AUTS2: variants seen among roughly 807,000 people sequenced by gnomAD.
AUTS2 encodes autism susceptibility gene 2 protein.
Under a neutral mutation model 112.4 loss-of-function variants are expected in AUTS2, and 17 were observed. The ratio of observed to expected loss-of-function variants is 0.15; its 90% CI spans 0.10 to 0.23. AUTS2 has a LOEUF of 0.23. Among genes scored for constraint, AUTS2 ranks in the 10% least tolerant of loss-of-function variants. The probability of loss-of-function intolerance (pLI) is 1.00; values close to 1 mark genes in which losing one functional copy is unlikely to be tolerated. For synonymous variants in AUTS2, 751 were observed against 702.7 expected (o/e 1.07, Z -1.09); for missense variants, 1,510 against 1,701.6 (o/e 0.89, Z 1.98).
intron 5 of AUTS2, among the ~76,000 whole-genome samples, chr7:70,602,041 G>A (rs1328622166): frequency 6.6e-6 from 1 of 152,012 alleles, no homozygotes; most frequent in African/African-American, 2.4e-5. Flanking sequence ...AACCCCCCAG[G>A]GCAGGTGCCT....
At chr7:70,188,710 G>C (rs1809729827) in intron 4 of AUTS2, among the ~76,000 whole-genome samples, 1 of 151,972 alleles carries the variant, frequency 6.6e-6, no homozygotes, top group African/African-American at 2.4e-5. Flanking sequence ...GATGTGTCCT[G>C]CTGTTAAGGA....
intron 4 of AUTS2, among the ~76,000 whole-genome samples, chr7:70,234,882 C>T (rs1284298529): frequency 1.3e-5 from 2 of 152,068 alleles, no homozygotes; most frequent in African/African-American, 2.4e-5. Context: ...AGCTGCTCAC[C>T]GTCCTATGGC....
At chr7:70,103,979 T>G (rs375320728) in intron 2 of AUTS2, among the ~76,000 whole-genome samples, 1 of 151,836 alleles carries the variant, frequency 6.6e-6, no homozygotes, top group Non-Finnish European at 1.5e-5. Flanking sequence ...AACATTATTA[T>G]CACAAAAATG....
At chr7:70,127,291 G>T (rs1806028100) in intron 3 of AUTS2, among the ~76,000 whole-genome samples, 1 of 151,598 alleles carries the variant, frequency 6.6e-6, no homozygotes, top group Non-Finnish European at 1.5e-5. Context: ...GTGCTACCAT[G>T]CTTGGCTAAT....
intron 1 of AUTS2, among the ~76,000 whole-genome samples, chr7:69,758,911 C>G (rs918514522): frequency 3.3e-5 from 5 of 152,184 alleles, no homozygotes; most frequent in African/African-American, 4.8e-5. Context: ...CAACTCACCT[C>G]TTCATGCCTA....
intron 2 of AUTS2, among the ~76,000 whole-genome samples, chr7:70,038,183 A>C (rs573555752): frequency 6.6e-6 from 1 of 152,200 alleles, no homozygotes; most frequent in East Asian, 1.9e-4. Flanking sequence ...AGCAATGTGG[A>C]GCTTACTTGC....
At chr7:70,274,116 G>A (rs1170769062) in intron 4 of AUTS2, among the ~76,000 whole-genome samples, 1 of 152,018 alleles carries the variant, frequency 6.6e-6, no homozygotes, top group African/African-American at 2.4e-5. Flanking sequence ...AGGGTGCTTC[G>A]TGAGTCCCAA....
chr7:70,351,039 A>C, intron 4 of AUTS2, among the ~76,000 whole-genome samples: 2 of 142,490 alleles, frequency 1.4e-5, no homozygotes, highest in South Asian at 4.5e-4. Context: ...AAATGACAGG[A>C]TTTTGTCTTC....
At chr7:69,705,984 CCTT>C (rs1386956177) in intron 1 of AUTS2, among the ~76,000 whole-genome samples, 1 of 152,070 alleles carries the variant, frequency 6.6e-6, no homozygotes, top group Non-Finnish European at 1.5e-5. Context: ...TCTTTAAAGA[CCTT>C]CTCTCCAAAT....
intron 4 of AUTS2, among the ~76,000 whole-genome samples, chr7:70,174,775 C>T (rs753933581): frequency 2.3e-4 from 35 of 152,070 alleles, no homozygotes; most frequent in Non-Finnish European, 4.9e-4. Context: ...ATTTTAAGCC[C>T]GCTATTGAGA....
chr7:69,754,076 T>C (rs554490266), intron 1 of AUTS2, among the ~76,000 whole-genome samples: 3 of 152,136 alleles, frequency 2.0e-5, no homozygotes, highest in Non-Finnish European at 4.4e-5. Context: ...GCCTACTGTG[T>C]GGTTTTGTGC....
In AUTS2 at chr7:69,630,466, C is replaced by T. The variant is rs1432039803; in HGVS notation, c.309+30504C>T. The stretch of plus-strand genomic sequence containing the variant: ...TAACCATCTTGCTGTAAACTAGCCA[C>T]GAGTAAACGTCTGGTTGTGAATCAC... On this transcript the variant is annotated intron_variant, in intron 1 of 18. Transcript: ENST00000342771. Among the ~76,000 whole-genome samples, 7 of 152,110 alleles carry T rather than the reference C, an allele frequency of 4.6e-5. No homozygotes were observed. In the South Asian group the frequency reaches 1.0e-3, roughly 23 times the overall value.
chr7:70,119,673 T>C (rs1805583403), intron 3 of AUTS2: 1 of 152,216 alleles, frequency 6.6e-6, no homozygotes, highest in Non-Finnish European at 1.5e-5. Context: ...AATTTTTGTA[T>C]TTTTAGTAGA....
At chr7:69,738,638 A>G (rs902548374) in intron 1 of AUTS2, among the ~76,000 whole-genome samples, 21 of 152,134 alleles carry the variant, frequency 1.4e-4, no homozygotes, top group South Asian at 2.1e-4. Context: ...TAAGTATGCT[A>G]GGTGCACTGT....
At chr7:69,954,631 A>G (rs1797148804) in intron 2 of AUTS2, among the ~76,000 whole-genome samples, 1 of 152,246 alleles carries the variant, frequency 6.6e-6, no homozygotes, top group Admixed American at 6.5e-5. Context: ...GTGCTGGCCA[A>G]ATAAAACAGA....
intron 2 of AUTS2, among the ~76,000 whole-genome samples, chr7:70,031,124 AC>A (rs1381611805): frequency 6.6e-6 from 1 of 152,116 alleles, no homozygotes; most frequent in African/African-American, 2.4e-5. Context: ...TCTGAGTCTA[AC>A]CCCAGATGAC....
intron 1 of AUTS2, among the ~76,000 whole-genome samples, chr7:69,723,400 G>A (rs533939169): frequency 6.6e-6 from 1 of 152,116 alleles, no homozygotes; most frequent in African/African-American, 2.4e-5. Flanking sequence ...GCAAAGAACA[G>A]ACTAGCTTAA....
chr7:70,060,756 G>A (rs555176097), intron 2 of AUTS2, among the ~76,000 whole-genome samples: 2 of 152,124 alleles, frequency 1.3e-5, no homozygotes, highest in Non-Finnish European at 2.9e-5. Context: ...TCTTTAAATC[G>A]TGCTAGGCCA....
chr7:70,091,605 G>A (rs979668881), intron 2 of AUTS2, among the ~76,000 whole-genome samples: 1 of 152,090 alleles, frequency 6.6e-6, no homozygotes, highest in Non-Finnish European at 1.5e-5. Flanking sequence ...GGTTTTCAAG[G>A]AAGCCAGGTA....
Sources: gnomAD v4.1 joint callset for allele counts (sites outside exome capture counted in the v4.1 genomes callset) on GRCh38, gnomAD v4.1.1 for gene constraint, MANE v1.5 for transcripts, NCBI Gene and HGNC (gene_info 2026-07-23, HGNC 2026-07-21) for gene names.